Variants in LRRC8C observed in about 807,000 individuals in gnomAD.
The protein encoded by LRRC8C is volume-regulated anion channel subunit LRRC8C.
In LRRC8C, 20 loss-of-function variants were observed where a neutral mutation model predicts 55.3. The observed-to-expected ratio is 0.36, with a 90% CI of 0.25 to 0.53. The LOEUF (loss-of-function observed/expected upper bound fraction) is 0.53. Ranked by LOEUF, LRRC8C falls within the 20% of genes least tolerant of loss-of-function variation. The probability of loss-of-function intolerance (pLI) is 0.92; values close to 1 mark genes in which losing one functional copy is unlikely to be tolerated. For synonymous variants in LRRC8C, 376 were observed against 360.7 expected (o/e 1.04, Z -0.48); for missense variants, 659 against 951.4 (o/e 0.69, Z 4.04).
At chr1:89,634,792 G>T (rs547370141) in intron 1 of LRRC8C, among the ~76,000 whole-genome samples, 34 of 152,142 alleles carry the variant, frequency 2.2e-4, no homozygotes, top group Non-Finnish European at 4.0e-4. Context: ...CTTGTGACTT[G>T]CTTTAACAGG....
At chr1:89,709,184 T>A (rs1362606490) in intron 2 of LRRC8C, among the ~76,000 whole-genome samples, 1 of 152,100 alleles carries the variant, frequency 6.6e-6, no homozygotes, top group Non-Finnish European at 1.5e-5. Flanking sequence ...CTAGGTGAAA[T>A]GAGAAGAATG....
chr1:89,690,691 A>G (rs1178437441), intron 2 of LRRC8C, among the ~76,000 whole-genome samples: 1 of 152,214 alleles, frequency 6.6e-6, no homozygotes, highest in Non-Finnish European at 1.5e-5. Flanking sequence ...GAGGGAATTC[A>G]AGCACAAGCT....
In LRRC8C at chr1:89,714,284, A is replaced by G. The variant is rs139429089; in HGVS notation, c.1714A>G (p.Ile572Val). The G allele has an allele frequency of 2.0e-3, 3,264 of 1,614,192 alleles. 89 individuals are homozygous for G. In the Admixed American group the frequency reaches 0.042, roughly 21 times the overall value. Reference protein sequence around the residue: ...DVSSHLQKMCIHNDGTKLVML... With the variant: ...DVSSHLQKMCVHNDGTKLVML... ...TTCCAGCCATCTCCAGAAGATGTGC[A>G]TACATAATGATGGCACCAAGCTGGT... The change falls in exon 3 of 3, where the codon ATA becomes GTA. Residue 572 changes from isoleucine (I) to valine (V), a missense_variant. Physicochemically the swap from Ile to Val is conservative, Grantham distance 29 (BLOSUM62 3). Coordinates refer to ENST00000370454, the MANE Select transcript of LRRC8C (RefSeq NM_032270.5). The surrounding 1 kb of genome is among the most constrained non-coding windows in gnomAD (Gnocchi z 4.6).
At chr1:89,638,393 G>C (rs572895845) in intron 1 of LRRC8C, among the ~76,000 whole-genome samples, 1 of 152,150 alleles carries the variant, frequency 6.6e-6, no homozygotes, top group Non-Finnish European at 1.5e-5. Context: ...TTTATGTACT[G>C]TGACTCTTCA....
At chr1:89,639,770 CAT>C (rs1656405235) in intron 1 of LRRC8C, among the ~76,000 whole-genome samples, 1 of 152,166 alleles carries the variant, frequency 6.6e-6, no homozygotes, top group Non-Finnish European at 1.5e-5. Context: ...TATTTAATGA[CAT>C]AATTTACAGT....
At chr1:89,626,815 C>A in the LRRC8C span, 1 of 151,996 alleles carries the variant, frequency 6.6e-6, no homozygotes, top group Non-Finnish European at 1.5e-5. Context: ...TGAACTCCAT[C>A]CTTTTTGGTT....
intron 1 of LRRC8C, among the ~76,000 whole-genome samples, chr1:89,661,721 A>G (rs116094066): frequency 0.012 from 1,861 of 152,282 alleles, 48 homozygotes; most frequent in African/African-American, 0.043. Context: ...GAAATGCATA[A>G]TTAGCTAAAA....
intron 1 of LRRC8C, among the ~76,000 whole-genome samples, chr1:89,662,898 G>C (rs1026156996): frequency 6.6e-6 from 1 of 151,996 alleles, no homozygotes; most frequent in Admixed American, 6.6e-5. Flanking sequence ...AGGTATACAC[G>C]TGCCATGGTG....
rs1414350239 is a variant in LRRC8C at position 89,717,270 on chromosome 1, A to G, written c.*2288A>G. ...TGGGTGCACTATTTTTCTGGATAAA[A>G]TTTATAGTTATTTTCTATATTACCC... On this transcript the variant is annotated 3_prime_UTR_variant, in exon 3 of 3. Transcript: ENST00000370454. The G allele has an allele frequency of 1.3e-5, 2 of 152,134 alleles. No homozygotes were observed. The highest frequency in any genetic ancestry group is 2.9e-5 in the Non-Finnish European group (2 of 68,016). The allele number at this position is 152,134 out of a possible 1,614,324, so 9.4% of individuals were successfully genotyped here.
intron 2 of LRRC8C, among the ~76,000 whole-genome samples, chr1:89,686,902 CT>C (rs1361526305): frequency 1.8e-4 from 27 of 152,200 alleles, no homozygotes; most frequent in Admixed American, 1.4e-3. Context: ...TCCAAATTGG[CT>C]TCACAGTGAA....
chr1:89,711,635 A>G (rs1265408059), intron 2 of LRRC8C, among the ~76,000 whole-genome samples: 1 of 152,246 alleles, frequency 6.6e-6, no homozygotes, highest in Non-Finnish European at 1.5e-5. Flanking sequence ...ATTCTGTCAC[A>G]TCCTACCTTA....
chr1:89,647,918 A>T (rs1258425775), intron 1 of LRRC8C, among the ~76,000 whole-genome samples: 1 of 152,142 alleles, frequency 6.6e-6, no homozygotes, highest in Non-Finnish European at 1.5e-5. Flanking sequence ...AAATTAAAAA[A>T]ATTAGCCGGG....
At chr1:89,617,713 C>T in the LRRC8C span, among the ~76,000 whole-genome samples, 1 of 152,160 alleles carries the variant, frequency 6.6e-6, no homozygotes, top group Non-Finnish European at 1.5e-5. Context: ...AGTCATGAGT[C>T]TCAGGAGGTC....
intron 1 of LRRC8C, among the ~76,000 whole-genome samples, chr1:89,640,839 T>C (rs970526287): frequency 6.6e-6 from 1 of 152,172 alleles, no homozygotes; most frequent in African/African-American, 2.4e-5. Flanking sequence ...TTGTGGTGTA[T>C]AGAGTGCCTT....
At chr1:89,662,392 G>A (rs533482623) in intron 1 of LRRC8C, among the ~76,000 whole-genome samples, 20 of 152,214 alleles carry the variant, frequency 1.3e-4, no homozygotes, top group East Asian at 3.9e-4. Context: ...AAAGATTTTC[G>A]CTTTTTCACA....
chr1:89,676,533 G>A (rs997031135), intron 1 of LRRC8C: 2 of 152,120 alleles, frequency 1.3e-5, no homozygotes, highest in African/African-American at 4.8e-5. Context: ...GGATAATAAC[G>A]TAATGAAAGA....
chr1:89,656,193 A>G (rs1343128544), intron 1 of LRRC8C, among the ~76,000 whole-genome samples: 1 of 152,202 alleles, frequency 6.6e-6, no homozygotes, highest in Non-Finnish European at 1.5e-5. Context: ...GGACATGTTT[A>G]TCTCACAGAT....
At chr1:89,695,568 T>C (rs1236105314) in intron 2 of LRRC8C, among the ~76,000 whole-genome samples, 1 of 152,266 alleles carries the variant, frequency 6.6e-6, no homozygotes, top group Non-Finnish European at 1.5e-5. Context: ...AACACTTGTA[T>C]GCATGATTAT....
chr1:89,708,761 T>G (rs1658561041), intron 2 of LRRC8C: 1 of 152,248 alleles, frequency 6.6e-6, no homozygotes, highest in African/African-American at 2.4e-5. Flanking sequence ...TTGCACTGTT[T>G]AAATCTTCAT....
Sources: allele counts gnomAD v4.1 joint callset (sites outside exome capture counted in the v4.1 genomes callset), GRCh38; gene constraint gnomAD v4.1.1; non-coding constraint Gnocchi (gnomAD v3.1); transcripts MANE v1.5; gene names NCBI Gene and HGNC (gene_info 2026-07-23, HGNC 2026-07-21).